Variants in BCKDHB observed in about 807,000 individuals in gnomAD.
The protein encoded by BCKDHB is branched chain keto acid dehydrogenase E1 subunit beta.
A neutral mutation model predicts 48.5 loss-of-function variants in BCKDHB; 41 were observed. That is an observed-to-expected ratio of 0.85 (90% confidence interval 0.66 to 1.10). BCKDHB has a LOEUF of 1.10. Among genes scored for constraint, BCKDHB ranks in the 50% least tolerant of loss-of-function variants. The pLI, the probability that BCKDHB is intolerant of heterozygous loss-of-function variation, is 0.00. For missense variants in BCKDHB, 496 were observed against 494.2 expected (o/e 1.00, Z -0.03); for synonymous variants, 201 against 174.8 (o/e 1.15, Z -1.18).
At chr6:80,417,849 C>T in the BCKDHB span, among the ~76,000 whole-genome samples, 1 of 152,024 alleles carries the variant, frequency 6.6e-6, no homozygotes, top group Admixed American at 6.5e-5. Context: ...CTGAGGTTCC[C>T]TGTATTTTCT....
the BCKDHB span, among the ~76,000 whole-genome samples, chr6:80,408,315 C>CT: frequency 6.6e-6 from 1 of 151,992 alleles, no homozygotes; most frequent in Non-Finnish European, 1.5e-5. Flanking sequence ...CTAAAATTCT[C>CT]TTTTTTTGTT....
chr6:80,129,301 C>A (rs1373337577), intron 3 of BCKDHB, 72 bp downstream of exon 3: 24 of 1,340,806 alleles, frequency 1.8e-5, no homozygotes, highest in Non-Finnish European at 2.1e-5. Context: ...ACAAAATATG[C>A]CTACTAAATT....
chr6:80,336,491 AAAACC>A (rs1341408224), intron 9 of BCKDHB, among the ~76,000 whole-genome samples: 8 of 81,686 alleles, frequency 9.8e-5, no homozygotes, highest in East Asian at 3.7e-4. Context: ...CTTAGCAAAA[AAAACC>A]AAAAAAACAA....
At chr6:80,333,886 A>C (rs1327257332) in intron 9 of BCKDHB, among the ~76,000 whole-genome samples, 8 of 152,138 alleles carry the variant, frequency 5.3e-5, no homozygotes, top group East Asian at 3.8e-4. Context: ...CCAGTCACTA[A>C]CTACCTCTTC....
At chr6:80,426,915 A>G in the BCKDHB span, among the ~76,000 whole-genome samples, 2 of 152,078 alleles carry the variant, frequency 1.3e-5, no homozygotes, top group Non-Finnish European at 2.9e-5. Flanking sequence ...TGCTGAGAGA[A>G]AACTTCTAAA....
At chr6:80,190,418 C>G (rs890183444) in intron 6 of BCKDHB, among the ~76,000 whole-genome samples, 1 of 152,112 alleles carries the variant, frequency 6.6e-6, no homozygotes, top group African/African-American at 2.4e-5. Context: ...AGATTTCTAT[C>G]TACTATAACA....
chr6:80,452,558 T>C, the BCKDHB span, among the ~76,000 whole-genome samples: 3 of 152,214 alleles, frequency 2.0e-5, no homozygotes, highest in East Asian at 1.9e-4. Context: ...GAAAGGATTA[T>C]GAAATGTTTA....
intron 8 of BCKDHB, among the ~76,000 whole-genome samples, chr6:80,215,214 G>A (rs1775112388): frequency 6.6e-6 from 1 of 152,174 alleles, no homozygotes; most frequent in Non-Finnish European, 1.5e-5. Flanking sequence ...CAGGTAGGGC[G>A]GTGCCCTCCT....
the BCKDHB span, among the ~76,000 whole-genome samples, chr6:80,425,160 A>C: frequency 6.6e-6 from 1 of 152,186 alleles, no homozygotes; most frequent in Non-Finnish European, 1.5e-5. Flanking sequence ...CCACACACAA[A>C]ACATTCTCCA....
At chr6:80,256,086 G>T (rs1777038144) in intron 8 of BCKDHB, among the ~76,000 whole-genome samples, 1 of 152,060 alleles carries the variant, frequency 6.6e-6, no homozygotes, top group Non-Finnish European at 1.5e-5. Flanking sequence ...CAAAGTAGTT[G>T]CAAATAATAA....
chr6:80,184,783 A>C (rs1373070401), intron 6 of BCKDHB, among the ~76,000 whole-genome samples: 1 of 152,168 alleles, frequency 6.6e-6, no homozygotes, highest in African/African-American at 2.4e-5. Context: ...CTTGGCTTGT[A>C]GGGTTTCTGC....
the BCKDHB span, among the ~76,000 whole-genome samples, chr6:80,452,266 T>C: frequency 6.6e-6 from 1 of 152,184 alleles, no homozygotes; most frequent in Non-Finnish European, 1.5e-5. Flanking sequence ...TATATTCCAA[T>C]AGGAGGCCCT....
At chr6:80,392,492 A>G in the BCKDHB span, among the ~76,000 whole-genome samples, 4 of 150,770 alleles carry the variant, frequency 2.7e-5, no homozygotes, top group Non-Finnish European at 5.9e-5. Context: ...CTAGTTTATT[A>G]TGGTTTAAAT....
intron 3 of BCKDHB, among the ~76,000 whole-genome samples, chr6:80,140,765 C>T (rs547864613): frequency 1.3e-5 from 2 of 152,028 alleles, no homozygotes; most frequent in Non-Finnish European, 2.9e-5. Context: ...CTAAAATTCT[C>T]TTTTTTGGTT....
At chr6:80,420,312 AAG>A in the BCKDHB span, among the ~76,000 whole-genome samples, 1 of 152,120 alleles carries the variant, frequency 6.6e-6, no homozygotes, top group Non-Finnish European at 1.5e-5. Context: ...TTGGGAGAAA[AAG>A]GCCTTCTACA....
At chr6:80,290,168 C>G (rs926604314) in intron 9 of BCKDHB, among the ~76,000 whole-genome samples, 1 of 152,070 alleles carries the variant, frequency 6.6e-6, no homozygotes, top group Non-Finnish European at 1.5e-5. Flanking sequence ...CTGCTTCATG[C>G]AGCATTTTGG....
the BCKDHB span, among the ~76,000 whole-genome samples, chr6:80,435,168 T>C: frequency 6.6e-6 from 1 of 152,250 alleles, no homozygotes; most frequent in African/African-American, 2.4e-5. Flanking sequence ...ATCATGGTCC[T>C]GTGCTGTCTG....
chr6:80,458,473 G>A, the BCKDHB span, among the ~76,000 whole-genome samples: 1 of 152,206 alleles, frequency 6.6e-6, no homozygotes, highest in East Asian at 1.9e-4. Flanking sequence ...CAGACAGTGT[G>A]TATGGTGGTT....
At chr6:80,129,878 C>A (rs759958728) in intron 3 of BCKDHB, among the ~76,000 whole-genome samples, 1 of 152,194 alleles carries the variant, frequency 6.6e-6, no homozygotes, top group African/African-American at 2.4e-5. Context: ...GATTTAAACG[C>A]TAATCACATC....
Sources: gnomAD v4.1 joint callset for allele counts (sites outside exome capture counted in the v4.1 genomes callset) on GRCh38, gnomAD v4.1.1 for gene constraint, MANE v1.5 for transcripts, NCBI Gene and HGNC (gene_info 2026-07-23, HGNC 2026-07-21) for gene names.